Variants in SH3BGRL observed in about 807,000 individuals in gnomAD.
SH3BGRL encodes adapter SH3BGRL.
A neutral mutation model predicts 9.8 loss-of-function variants in SH3BGRL; 7 were observed. The observed-to-expected ratio is 0.72, with a 90% CI of 0.41 to 1.35. SH3BGRL has a LOEUF of 1.35. Among genes scored for constraint, SH3BGRL ranks in the 40% most tolerant of loss-of-function variants. SH3BGRL has a pLI of 0.01. For missense variants in SH3BGRL, 73 were observed against 84.4 expected (o/e 0.86, Z 0.53); for synonymous variants, 36 against 29.1 (o/e 1.24, Z -0.76).
intron 1 of SH3BGRL, among the ~76,000 whole-genome samples, chrX:81,209,195 A>G (rs2075556346): frequency 9.2e-6 from 1 of 108,910 alleles, no homozygotes; most frequent in African/African-American, 3.4e-5. Context: ...TTTGGTAGAG[A>G]CAGGTTTTCA....
At chrX:81,265,175 A>C (rs2075752708) in intron 1 of SH3BGRL, among the ~76,000 whole-genome samples, 1 of 108,464 alleles carries the variant, frequency 9.2e-6, no homozygotes, top group Admixed American at 9.9e-5. Flanking sequence ...GTAGAAGTGC[A>C]ACTAAAAAAG....
At chrX:81,265,205 T>C (rs2075752939) in intron 1 of SH3BGRL, among the ~76,000 whole-genome samples, 2 of 107,790 alleles carry the variant, frequency 1.9e-5, no homozygotes, top group Non-Finnish European at 3.8e-5. Flanking sequence ...TAGAGTTTTT[T>C]TTTTTTCTTT....
At chrX:81,274,841 A>G (rs1334178288) in intron 1 of SH3BGRL, among the ~76,000 whole-genome samples, 3 of 111,863 alleles carry the variant, frequency 2.7e-5, no homozygotes, top group African/African-American at 9.8e-5. Flanking sequence ...GAAGATTCAA[A>G]GCTGAACAAA....
Position 81,262,158 on chromosome X carries a change from A to G in SH3BGRL, c.46-14826A>G, listed in dbSNP as rs1282399656. ...TAGAAAGTATGGTCAGAGTCCCACT[A>G]TGCAGTAGGAGCTTTTATAAAAGCA... On this transcript the variant is annotated intron_variant, in intron 1 of 3. Transcript: ENST00000373212. Among the ~76,000 whole-genome samples, 3 of 111,296 alleles carry G rather than the reference A, an allele frequency of 2.7e-5. No individual in the cohort carries two copies. In the East Asian group the frequency reaches 8.5e-4, roughly 31 times the overall value.
At chrX:81,255,136 C>A (rs778887999) in intron 1 of SH3BGRL, among the ~76,000 whole-genome samples, 1 of 111,187 alleles carries the variant, frequency 9.0e-6, no homozygotes, top group Non-Finnish European at 1.9e-5. Context: ...GGTCCGCCCC[C>A]CTCAGCCTCC....
intron 1 of SH3BGRL, among the ~76,000 whole-genome samples, chrX:81,222,647 C>A (rs1357303720): frequency 1.8e-5 from 2 of 110,987 alleles, no homozygotes; most frequent in Non-Finnish European, 3.8e-5. Flanking sequence ...GTGCATGTGT[C>A]TTTATAGCAG....
intron 3 of SH3BGRL, among the ~76,000 whole-genome samples, chrX:81,278,971 T>G (rs111816431): frequency 0.059 from 6,615 of 112,333 alleles, 213 homozygotes; most frequent in Non-Finnish European, 0.097. Flanking sequence ...TAAAGTTGCC[T>G]GTCTAGTGAG....
intron 3 of SH3BGRL, among the ~76,000 whole-genome samples, chrX:81,279,022 T>C (rs748412826): frequency 1.2e-4 from 14 of 112,359 alleles, no homozygotes; most frequent in Non-Finnish European, 1.9e-4. Context: ...CTTTGCCTTT[T>C]ATAGTAGTTC....
chrX:81,204,753 C>T (rs1458861547), intron 1 of SH3BGRL, among the ~76,000 whole-genome samples: 5 of 111,654 alleles, frequency 4.5e-5, no homozygotes, highest in Admixed American at 1.9e-4. Context: ...ACCCAAGAGG[C>T]GGAGCTTGCG....
chrX:81,237,576 G>A (rs940788293), intron 1 of SH3BGRL, among the ~76,000 whole-genome samples: 23 of 111,460 alleles, frequency 2.1e-4, no homozygotes, highest in African/African-American at 7.5e-4. Flanking sequence ...GTTGATACTA[G>A]CAGTCAGAAC....
At chrX:81,236,095 A>T (rs960240232) in intron 1 of SH3BGRL, among the ~76,000 whole-genome samples, 26 of 111,331 alleles carry the variant, frequency 2.3e-4, no homozygotes, top group Non-Finnish European at 4.1e-4. Flanking sequence ...AACTTAACTC[A>T]AGGGTATGGA....
At chrX:81,295,602 A>C (rs771742904) in intron 3 of SH3BGRL, among the ~76,000 whole-genome samples, 3 of 111,476 alleles carry the variant, frequency 2.7e-5, no homozygotes, top group Non-Finnish European at 3.8e-5. Context: ...CCTGGGCAGC[A>C]TGCAGCCCAC....
chrX:81,252,930 C>T (rs1316935195), intron 1 of SH3BGRL, among the ~76,000 whole-genome samples: 1 of 112,523 alleles, frequency 8.9e-6, no homozygotes, highest in Non-Finnish European at 1.9e-5. Flanking sequence ...GTTCTGCTTA[C>T]ACAACATTTG....
intron 3 of SH3BGRL, among the ~76,000 whole-genome samples, chrX:81,286,417 A>T (rs2075833940): frequency 9.5e-6 from 1 of 104,886 alleles, no homozygotes; most frequent in African/African-American, 3.5e-5. Flanking sequence ...ATTTATACTG[A>T]ATTCATCCTA....
intron 3 of SH3BGRL, among the ~76,000 whole-genome samples, chrX:81,292,370 C>A (rs369753975): frequency 2.7e-5 from 3 of 111,665 alleles, no homozygotes; most frequent in African/African-American, 9.8e-5. Flanking sequence ...ATCTGGGGCC[C>A]TTTTAGCCAT....
chrX:81,279,862 G>A (rs1289637515), intron 3 of SH3BGRL, among the ~76,000 whole-genome samples: 2 of 111,535 alleles, frequency 1.8e-5, no homozygotes, highest in African/African-American at 3.3e-5. Flanking sequence ...TGCAAATCTC[G>A]CTTGCAGACT....
intron 2 of SH3BGRL, among the ~76,000 whole-genome samples, chrX:81,277,470 T>C: frequency 8.9e-6 from 1 of 112,610 alleles, no homozygotes; most frequent in Middle Eastern, 4.6e-3. Context: ...GAAGATTCTC[T>C]TGCATTCCCC....
intron 1 of SH3BGRL, among the ~76,000 whole-genome samples, chrX:81,209,501 G>A (rs933007503): frequency 9.0e-6 from 1 of 111,212 alleles, no homozygotes; most frequent in South Asian, 3.8e-4. Context: ...AGAAACATAG[G>A]TACATTGGTC....
intron 3 of SH3BGRL, 111 bp downstream of exon 3, chrX:81,278,522 C>A: frequency 2.1e-6 from 1 of 485,063 alleles, no homozygotes; most frequent in Non-Finnish European, 3.3e-6. Context: ...AGAGACAATC[C>A]TTTATAGCAA....
Sources: allele counts gnomAD v4.1 joint callset (sites outside exome capture counted in the v4.1 genomes callset), GRCh38; gene constraint gnomAD v4.1.1; transcripts MANE v1.5; gene names NCBI Gene and HGNC (gene_info 2026-07-23, HGNC 2026-07-21).